The following MYO10 variants were observed in gnomAD, a reference collection of about 807,000 sequenced individuals.
MYO10 encodes unconventional myosin-X.
MYO10 carries 133 observed loss-of-function variants against 257.3 expected under a neutral mutation model. That is an observed-to-expected ratio of 0.52 (90% CI 0.45 to 0.60). The LOEUF is 0.60. Ranked by LOEUF, MYO10 falls within the 20% of genes least tolerant of loss-of-function variation. The pLI is 0.00. For synonymous variants in MYO10, 1,104 were observed against 1,028.6 expected (o/e 1.07, Z -1.40); for missense variants, 2,399 against 2,635.7 (o/e 0.91, Z 1.97).
chr5:16,810,874 C>T (rs920072516), intron 3 of MYO10, among the ~76,000 whole-genome samples: 4 of 151,922 alleles, frequency 2.6e-5, no homozygotes, highest in African/African-American at 9.7e-5. Context: ...TCGAGACCAG[C>T]CTGGCCAACG....
intron 17 of MYO10, among the ~76,000 whole-genome samples, chr5:16,760,681 C>T (rs1464901133): frequency 6.6e-6 from 1 of 151,832 alleles, no homozygotes; most frequent in East Asian, 1.9e-4. Flanking sequence ...CCTATAAAAC[C>T]AAGGCTGAAA....
chr5:16,837,181 A>G lies in MYO10; in HGVS notation c.121-19014T>C, dbSNP rs538145892. Among the ~76,000 whole-genome samples the G allele has an allele frequency of 7.9e-5, 12 of 152,230 alleles. No homozygotes were observed. In the South Asian group the frequency reaches 1.2e-3, roughly 16 times the overall value. ...CAAAATTAGCAGGGCGTGGTGGCAG[A>G]GGCCTGTAATCCCAGCTACTTGGGA... On this transcript the variant is annotated intron_variant, in intron 2 of 40. Coordinates refer to ENST00000513610, the MANE Select transcript of MYO10 (RefSeq NM_012334.3).
chr5:16,669,758 G>A (rs1359487550), intron 39 of MYO10, among the ~76,000 whole-genome samples: 1 of 152,170 alleles, frequency 6.6e-6, no homozygotes, highest in Non-Finnish European at 1.5e-5. Flanking sequence ...AAAGTCATCA[G>A]ATATACGCTG....
At chr5:16,809,988 A>T (rs1742388224) in intron 3 of MYO10, among the ~76,000 whole-genome samples, 1 of 152,144 alleles carries the variant, frequency 6.6e-6, no homozygotes, top group African/African-American at 2.4e-5. Flanking sequence ...CCAGAGCTCC[A>T]CAATCCCTGT....
intron 2 of MYO10, among the ~76,000 whole-genome samples, chr5:16,862,360 G>T (rs1008685811): frequency 7.2e-5 from 11 of 152,090 alleles, no homozygotes; most frequent in African/African-American, 1.2e-4. Context: ...CAAATAACAG[G>T]CCTAAAAAAT....
rs1468483087 is a variant in MYO10 at position 16,702,963 on chromosome 5, C to G, written c.2472G>C (p.Gln824His). 3 of 1,551,932 alleles carry G rather than the reference C, an allele frequency of 1.9e-6. No homozygotes were observed. The highest frequency in any genetic ancestry group is 1.2e-5 in the South Asian group (1 of 84,046). ...EKREQEEKKK[Q>H]EEEEKKKREE... Reference sequence around the variant, plus strand: ...CCCGTTTCTTCTTTTCTTCCTCTTCCTGTTTCTTCTTTTCTTCTTGCTCCC... The same window carrying G: ...CCCGTTTCTTCTTTTCTTCCTCTTCGTGTTTCTTCTTTTCTTCTTGCTCCC... The change falls in exon 23 of 41, where the codon CAG becomes CAC. Residue 824 changes from glutamine (Q) to histidine (H), a missense_variant. Coordinates refer to ENST00000513610, the MANE Select transcript of MYO10 (RefSeq NM_012334.3).
intron 2 of MYO10, among the ~76,000 whole-genome samples, chr5:16,831,561 G>A (rs1743163052): frequency 6.6e-6 from 1 of 151,104 alleles, no homozygotes; most frequent in East Asian, 1.9e-4. Flanking sequence ...ATGAATTAAT[G>A]GTATTCACAG....
At chr5:16,780,380 C>A in intron 8 of MYO10, 144 bp downstream of exon 8, 2 of 738,454 alleles carry the variant, frequency 2.7e-6, no homozygotes, top group South Asian at 1.8e-5. Flanking sequence ...GTAAATTCAG[C>A]ATCTTTTTGG....
rs146881534 is a variant in MYO10, at chr5:16,665,159, C to A, written c.*1533G>T. ...CAGAGGCTGCAGTGAGCCGAGATCACGCCACTGTACTCCAGCCTGGGTAAC... is the reference window on the plus strand; with the variant it reads ...CAGAGGCTGCAGTGAGCCGAGATCAAGCCACTGTACTCCAGCCTGGGTAAC... On this transcript the variant is annotated 3_prime_UTR_variant, in exon 41 of 41. Transcript: ENST00000513610. 2.6e-5 allele frequency: 4 copies of A among 150,994 alleles called. No individual in the cohort carries two copies. The highest frequency in any genetic ancestry group is 9.7e-5 in the African/African-American group (4 of 41,030). The allele number at this position is 150,994 out of a possible 1,614,324, so 9.4% of individuals were successfully genotyped here.
At chr5:16,899,042 G>C (rs1249192143) in intron 1 of MYO10, among the ~76,000 whole-genome samples, 1 of 150,242 alleles carries the variant, frequency 6.7e-6, no homozygotes, top group Admixed American at 6.7e-5. Flanking sequence ...GGCTGAGGCA[G>C]GAGAATCACT....
intron 21 of MYO10, among the ~76,000 whole-genome samples, chr5:16,709,920 C>T (rs1738519857): frequency 6.6e-6 from 1 of 152,222 alleles, no homozygotes; most frequent in Non-Finnish European, 1.5e-5. Context: ...ATGACTTTCC[C>T]TTGCTGAATG....
Position 16,818,381 on chromosome 5 carries a change from C to CGTGT in MYO10, c.121-218_121-215dup, listed in dbSNP as rs66684462. 1.1e-3 allele frequency among the ~76,000 whole-genome samples: 148 copies of CGTGT among 134,074 alleles called. 2 individuals carry two copies. Among genetic ancestry groups the CGTGT allele is most frequent in the African/African-American group, 3.8e-3 (128 of 33,908 alleles). 88.0% of individuals were successfully genotyped at this position (134,074 alleles called of 152,430 possible). ...GTATGTATGTGTGTGTGTGTGTGTG[C>CGTGT]GTGTGTGTGTGTGTGTGTGTGTGTG... On this transcript the variant is annotated intron_variant, in intron 2 of 40. Transcript: ENST00000513610.
intron 23 of MYO10, 65 bp downstream of exon 23, chr5:16,702,860 C>T (rs949616452): frequency 9.9e-6 from 14 of 1,411,028 alleles, no homozygotes; most frequent in Admixed American, 2.1e-5. Flanking sequence ...GCTGCACAGA[C>T]AGATACCGAG....
At position 16,701,531 on chromosome 5, in the gene MYO10, C is replaced by T. The variant is rs570949396; in HGVS notation, c.2864G>A (p.Arg955Gln). The change falls in exon 25 of 41, where the codon CGG (arginine) becomes CAG (glutamine). Residue 955 changes from arginine (R) to glutamine (Q), a missense_variant. Arg to Gln is a conservative substitution (Grantham distance 43). Coordinates refer to ENST00000513610, the MANE Select transcript of MYO10 (RefSeq NM_012334.3). This position sits in a 1 kb window ranked among gnomAD's most constrained non-coding sequence, Gnocchi z 8.1. Reference sequence around the variant, plus strand: ...CACCGACAGGGACCGCTCGATATTCCGGACACACTCGTCGATCTCGTCGAA... The same window carrying T: ...CACCGACAGGGACCGCTCGATATTCTGGACACACTCGTCGATCTCGTCGAA... The part of the protein sequence containing the change: ...LNFDEIDECV[R>Q]NIERSLSVGS... 8.7e-6 allele frequency: 14 copies of T among 1,613,976 alleles called. No individual in the cohort carries two copies. In the African/African-American group the frequency reaches 1.2e-4, roughly 14 times the overall value.
chr5:16,867,954 A>G (rs1744328645), intron 2 of MYO10, among the ~76,000 whole-genome samples: 1 of 152,196 alleles, frequency 6.6e-6, no homozygotes, highest in Non-Finnish European at 1.5e-5. Flanking sequence ...TAGAGAGACA[A>G]TTCAAACAGA....
chr5:16,913,387 C>T (rs1249471614), intron 1 of MYO10, among the ~76,000 whole-genome samples: 2 of 152,216 alleles, frequency 1.3e-5, no homozygotes, highest in African/African-American at 4.8e-5. Flanking sequence ...TGCATATGAA[C>T]ATTTCAAACT....
chr5:16,809,945 G>T (rs1742386730), intron 3 of MYO10, among the ~76,000 whole-genome samples: 2 of 152,132 alleles, frequency 1.3e-5, no homozygotes, highest in African/African-American at 4.8e-5. Context: ...ATTCCTTAGA[G>T]ACTGGGAGAG....
rs149828839 is a variant in MYO10 at position 16,675,287 on chromosome 5, A to C, written c.4667-137T>G. 136 of 826,590 alleles carry C rather than the reference A, an allele frequency of 1.6e-4. No homozygotes were observed. The East Asian group carries it at 1.7e-3, about 10-fold the overall frequency. 51.2% of individuals were successfully genotyped at this position (826,590 alleles called of 1,614,324 possible). A position where few individuals can be genotyped will look rare whatever the true frequency, so the allele number is the denominator to read the frequency against. On this transcript the variant is annotated intron_variant, in intron 34 of 40. Transcript: ENST00000513610. ...GCCCACCACACTCCCTATACATCTCAATCAGTTGAACACAGATCTAAAAGC... is the reference window on the plus strand; with the variant it reads ...GCCCACCACACTCCCTATACATCTCCATCAGTTGAACACAGATCTAAAAGC...
At chr5:16,672,892 G>A in intron 36 of MYO10, 67 bp from the exon 37 acceptor site, 1 of 1,542,074 alleles carries the variant, frequency 6.5e-7, no homozygotes, top group African/African-American at 1.4e-5. Context: ...CCCAGAACGT[G>A]CCATCACCTG....
Sources: gnomAD v4.1 joint callset for allele counts (sites outside exome capture counted in the v4.1 genomes callset) on GRCh38, gnomAD v4.1.1 for gene constraint, Gnocchi (gnomAD v3.1) non-coding constraint, MANE v1.5 for transcripts, NCBI Gene and HGNC (gene_info 2026-07-23, HGNC 2026-07-21) for gene names.